Variants in RGS22 observed in about 807,000 individuals in gnomAD.
The protein encoded by RGS22 is regulator of G protein signaling 22.
Under a neutral mutation model 172.9 loss-of-function variants are expected in RGS22, and 148 were observed. The observed-to-expected ratio is 0.86, with a 90% CI of 0.75 to 0.98. The LOEUF is 0.98. Among genes scored for constraint, RGS22 ranks in the 50% least tolerant of loss-of-function variants. The pLI is 0.00. For synonymous variants in RGS22, 458 were observed against 480.2 expected, an observed-to-expected ratio of 0.95 and a Z score of 0.60; for missense variants, 1,347 against 1,440.8, an observed-to-expected ratio of 0.93 and a Z score of 1.05.
At chr8:100,080,740 G>A (rs2131902802) in intron 3 of RGS22, 1 of 170,518 alleles carries the variant, frequency 5.9e-6, no homozygotes, top group Non-Finnish European at 1.3e-5. Context: ...TGCTCCCATT[G>A]TCTTTCATCC....
chr8:100,052,795 A>C lies in RGS22; in HGVS notation c.1689+7T>G. ...AGTAGAGATCACAGCATGAATGTACACCCTACCTGGATCTCAGGTATCTGT... is the reference window on the plus strand; with the variant it reads ...AGTAGAGATCACAGCATGAATGTACCCCCTACCTGGATCTCAGGTATCTGT... On this transcript the variant is annotated splice_region_variant and intron_variant, in intron 10 of 27. Coordinates refer to ENST00000360863, the MANE Select transcript of RGS22 (RefSeq NM_015668.5). The C allele has an allele frequency of 6.2e-7, 1 of 1,611,384 alleles. No homozygotes were observed. Among genetic ancestry groups the C allele is most frequent in the Non-Finnish European group, 8.5e-7 (1 of 1,177,664 alleles).
At chr8:100,053,872 G>T (rs992382745) in intron 9 of RGS22, among the ~76,000 whole-genome samples, 1 of 152,088 alleles carries the variant, frequency 6.6e-6, no homozygotes, top group African/African-American at 2.4e-5. Context: ...CAGACCTTGT[G>T]ATCTGCCCTC....
Position 100,003,975 on chromosome 8 carries a change from T to G in RGS22, c.2578A>C (p.Lys860Gln). 1 of 1,610,692 alleles carries G rather than the reference T, an allele frequency of 6.2e-7. No homozygotes were observed. Among genetic ancestry groups the G allele is most frequent in the East Asian group, 2.2e-5 (1 of 44,654 alleles). ...HFKFSDLLNN[K>Q]LEFEHFRQFL... ...TGACGGAAATGTTCAAACTCCAGTT[T>G]GTTGTTAAGCAGATCACTAAACTTA... The change falls in exon 17 of 28, where the codon AAA (lysine) becomes CAA (glutamine). Residue 860 changes from lysine (K) to glutamine (Q), a missense_variant. Coordinates refer to ENST00000360863, the MANE Select transcript of RGS22 (RefSeq NM_015668.5).
At chr8:100,056,577 G>C (rs1190919598) in intron 9 of RGS22, among the ~76,000 whole-genome samples, 1 of 152,134 alleles carries the variant, frequency 6.6e-6, no homozygotes, top group Non-Finnish European at 1.5e-5. Context: ...TGTTCCAGCT[G>C]CTCCAGCCAT....
chr8:100,105,851 C>G lies in RGS22; in HGVS notation c.25+46G>C, dbSNP rs1367217144. The G allele has an allele frequency of 2.0e-6, 3 of 1,478,370 alleles. No individual in the cohort carries two copies. The East Asian group carries it at 8.5e-5, about 42-fold the overall frequency. The allele number at this position is 1,478,370 out of a possible 1,614,324, so 91.6% of individuals were successfully genotyped here. A position where few individuals can be genotyped will look rare whatever the true frequency, so the allele number is the denominator to read the frequency against. ...CCAGAGGCTGGCGCGTGGTGCGGCC[C>G]CGACGCCGCGGGCTGATCCTCTGTC... On this transcript the variant is annotated intron_variant, in intron 1 of 27. Coordinates refer to ENST00000360863, the MANE Select transcript of RGS22 (RefSeq NM_015668.5).
In RGS22 at chr8:100,071,212, C is replaced by T. The variant is rs141166233; in HGVS notation, c.594+157G>A. On this transcript the variant is annotated intron_variant, in intron 6 of 27. Coordinates refer to ENST00000360863, the MANE Select transcript of RGS22 (RefSeq NM_015668.5). ...CTGAGATGGGAGGATCAGCTGAGCC[C>T]GGGAGATGGAGGCTGCAGTGAGCCA... Among the ~76,000 whole-genome samples, 518 of 152,062 alleles carry T rather than the reference C, an allele frequency of 3.4e-3. 3 individuals carry two copies. Among genetic ancestry groups the T allele is most frequent in the African/African-American group, 0.012 (484 of 41,474 alleles).
At chr8:99,963,027 A>T in intron 24 of RGS22, 49 bp from the exon 25 acceptor site, 6 of 1,432,388 alleles carry the variant, frequency 4.2e-6, no homozygotes, top group Admixed American at 2.6e-5. Context: ...TGCTTTAGGA[A>T]ATAAACTGAA....
At position 100,063,770 on chromosome 8, in the gene RGS22, C is replaced by G; in HGVS notation, c.998G>C (p.Gly333Ala). ...GTCTGGGGTTTCTCCAACTGGCTTTCCAACAATTTGCTGAATTGCTCCTCT... is the reference window on the plus strand; with the variant it reads ...GTCTGGGGTTTCTCCAACTGGCTTTGCAACAATTTGCTGAATTGCTCCTCT... ...ILRGAIQQIV[G>A]KPVGETPDYI... Residue 333 changes from glycine to alanine, a missense_variant, in exon 8 of 28, where the codon GGA becomes GCA. By Grantham distance (60) the Gly-to-Ala change is moderately conservative. Coordinates refer to ENST00000360863, the MANE Select transcript of RGS22 (RefSeq NM_015668.5). 1 of 1,614,056 alleles carries G rather than the reference C, an allele frequency of 6.2e-7. No individual in the cohort carries two copies. Among genetic ancestry groups the G allele is most frequent in the Non-Finnish European group, 8.5e-7 (1 of 1,180,000 alleles).
chr8:99,981,295 T>C (rs191737491), intron 22 of RGS22, among the ~76,000 whole-genome samples: 112 of 152,340 alleles, frequency 7.4e-4, no homozygotes, highest in African/African-American at 2.3e-3. Flanking sequence ...GTTTGTATAC[T>C]TTATGTTGGT....
At chr8:100,080,564 C>T (rs190616647) in intron 3 of RGS22, 23 of 520,982 alleles carry the variant, frequency 4.4e-5, no homozygotes, top group Admixed American at 2.4e-4. Flanking sequence ...ACTTATGCCA[C>T]GAGTAAGTGT....
intron 2 of RGS22, among the ~76,000 whole-genome samples, chr8:100,099,201 A>C (rs1187137051): frequency 6.6e-6 from 1 of 152,110 alleles, no homozygotes; most frequent in African/African-American, 2.4e-5. Context: ...GGTGTGAGCC[A>C]TTGCGCCTGG....
chr8:99,986,533 T>C (rs55878443), intron 21 of RGS22, among the ~76,000 whole-genome samples: 1,812 of 152,300 alleles, frequency 0.012, 33 homozygotes, highest in African/African-American at 0.041. Flanking sequence ...AAGCAAAGAC[T>C]GAAATACCTT....
At chr8:100,098,854 A>ATT (rs59580013) in intron 2 of RGS22, among the ~76,000 whole-genome samples, 1,050 of 21,214 alleles carry the variant, frequency 0.049, 56 homozygotes, top group African/African-American at 0.27. Flanking sequence ...TATTTATTTT[A>ATT]TTATTTTATT....
At chr8:100,026,405 G>A in intron 14 of RGS22, among the ~76,000 whole-genome samples, 1 of 151,970 alleles carries the variant, frequency 6.6e-6, no homozygotes, top group East Asian at 2.0e-4. Context: ...ACATGGATCT[G>A]GTGACATTTA....
chr8:100,085,818 T>TTG (rs1309416212), intron 3 of RGS22, among the ~76,000 whole-genome samples: 2 of 152,216 alleles, frequency 1.3e-5, no homozygotes, highest in Non-Finnish European at 2.9e-5. Flanking sequence ...GACAAAATCA[T>TTG]TGTGACTCTT....
intron 14 of RGS22, among the ~76,000 whole-genome samples, chr8:100,030,343 C>T (rs766618788): frequency 6.6e-6 from 1 of 152,166 alleles, no homozygotes; most frequent in Non-Finnish European, 1.5e-5. Context: ...GTATTTGCTA[C>T]ACTATATTTT....
At chr8:100,038,757 A>T in intron 14 of RGS22, 174 bp downstream of exon 14, 1 of 413,806 alleles carries the variant, frequency 2.4e-6, no homozygotes, top group Non-Finnish European at 4.3e-6. Flanking sequence ...GAAAACTCAC[A>T]AATCATATTA....
At chr8:100,031,032 T>C (rs752415257) in intron 14 of RGS22, among the ~76,000 whole-genome samples, 51 of 152,166 alleles carry the variant, frequency 3.4e-4, no homozygotes, top group Admixed American at 1.9e-3. Context: ...AGGATGAAGA[T>C]AATGATTAAT....
intron 3 of RGS22, among the ~76,000 whole-genome samples, chr8:100,092,582 C>G (rs1462906454): frequency 1.3e-5 from 2 of 152,146 alleles, no homozygotes; most frequent in Non-Finnish European, 2.9e-5. Flanking sequence ...CTCTTTCTCC[C>G]TCATTCTCTT....
Sources: gnomAD v4.1 joint callset for allele counts (sites outside exome capture counted in the v4.1 genomes callset) on GRCh38, gnomAD v4.1.1 for gene constraint, MANE v1.5 for transcripts, NCBI Gene and HGNC (gene_info 2026-07-23, HGNC 2026-07-21) for gene names.